Variants in TNIP3 observed in about 807,000 individuals in gnomAD.
TNIP3 encodes TNFAIP3-interacting protein 3.
A neutral mutation model predicts 54.1 loss-of-function variants in TNIP3; 34 were observed. That is an observed-to-expected ratio of 0.63 (90% CI 0.48 to 0.84). TNIP3 has a LOEUF of 0.84. Ranked by LOEUF, TNIP3 falls within the 40% of genes least tolerant of loss-of-function variation. TNIP3 has a pLI of 0.00. For missense variants in TNIP3, 366 were observed against 387.6 expected (o/e 0.94, Z 0.47); for synonymous variants, 134 against 136.8 (o/e 0.98, Z 0.14).
intron 1 of TNIP3, among the ~76,000 whole-genome samples, chr4:121,223,031 T>C (rs1727104982): frequency 6.6e-6 from 1 of 152,188 alleles, no homozygotes; most frequent in South Asian, 2.1e-4. Flanking sequence ...GGTCTCGATC[T>C]CCTGACCTCG....
chr4:121,144,437 T>C (rs1035223525), intron 7 of TNIP3, among the ~76,000 whole-genome samples: 1 of 152,234 alleles, frequency 6.6e-6, no homozygotes, highest in African/African-American at 2.4e-5. Context: ...AATCCCACTC[T>C]GTTGCCCAGA....
intron 1 of TNIP3, among the ~76,000 whole-genome samples, chr4:121,226,962 T>C (rs754657355): frequency 9.2e-5 from 14 of 152,142 alleles, no homozygotes; most frequent in Non-Finnish European, 1.6e-4. Flanking sequence ...ATCAAGATTG[T>C]TCAACCCTGT....
At chr4:121,154,359 T>C (rs79319714) in intron 5 of TNIP3, 192 bp downstream of exon 5, 14,908 of 632,502 alleles carry the variant, frequency 0.024, 258 homozygotes, top group Admixed American at 0.036. Flanking sequence ...ACAAAAATTC[T>C]CTAAAGCCTC....
At chr4:121,209,580 A>G (rs1726368357) in intron 2 of TNIP3, among the ~76,000 whole-genome samples, 1 of 152,204 alleles carries the variant, frequency 6.6e-6, no homozygotes, top group South Asian at 2.1e-4. Flanking sequence ...CCTAGAAGGA[A>G]CAGTGAGCCC....
intron 2 of TNIP3, among the ~76,000 whole-genome samples, chr4:121,188,928 A>C (rs1480505927): frequency 6.6e-6 from 1 of 152,208 alleles, no homozygotes; most frequent in South Asian, 2.1e-4. Context: ...TCAAGTTGAC[A>C]CTAATGATGC....
intron 2 of TNIP3, among the ~76,000 whole-genome samples, chr4:121,160,550 C>T (rs1730386906): frequency 6.6e-6 from 1 of 152,194 alleles, no homozygotes; most frequent in East Asian, 1.9e-4. Flanking sequence ...TCACTACTTC[C>T]TCTGTCAAGA....
intron 3 of TNIP3, among the ~76,000 whole-genome samples, chr4:121,178,011 C>A (rs1724461365): frequency 6.6e-6 from 1 of 152,122 alleles, no homozygotes; most frequent in Non-Finnish European, 1.5e-5. Context: ...GTGGCTTGAT[C>A]CAAGTGTGGT....
At chr4:121,175,173 GTTC>G (rs1339631303) in intron 3 of TNIP3, among the ~76,000 whole-genome samples, 3 of 152,148 alleles carry the variant, frequency 2.0e-5, no homozygotes, top group Admixed American at 6.5e-5. Flanking sequence ...GGCTTATGCT[GTTC>G]TTCTTCTTAC....
chr4:121,154,833 T>G (rs552916402), intron 4 of TNIP3, among the ~76,000 whole-genome samples, 154 bp from the exon 5 acceptor site: 48 of 152,304 alleles, frequency 3.2e-4, no homozygotes, highest in African/African-American at 1.2e-3. Flanking sequence ...TTAAACTTAA[T>G]GTTCCATTTG....
chr4:121,156,945 G>A (rs960580699), intron 4 of TNIP3, 149 bp downstream of exon 4: 2 of 912,932 alleles, frequency 2.2e-6, no homozygotes, highest in East Asian at 2.5e-5. Flanking sequence ...TGGCTCTTGG[G>A]GACTTGCGTA....
In TNIP3 at chr4:121,141,850, C is replaced by A; in HGVS notation, c.851G>T (p.Gly284Val). 1 of 1,598,760 alleles carries A rather than the reference C, an allele frequency of 6.3e-7. No homozygotes were observed. The highest frequency in any genetic ancestry group is 8.5e-7 in the Non-Finnish European group (1 of 1,172,514). ...CCGTTGCTTCTGCACAGCTCCAGGG[C>A]CTGTTGGTACCCATGGATCTTGCAG... ...FHLQDPWVPT[G>V]PGAVQKQREH... The change falls in exon 9 of 11, where the codon GGC becomes GTC. Residue 284 changes from glycine to valine, a missense_variant. Transcript: ENST00000057513.
intron 10 of TNIP3, among the ~76,000 whole-genome samples, 157 bp downstream of exon 10, chr4:121,138,467 A>G (rs1400634860): frequency 6.6e-6 from 1 of 152,218 alleles, no homozygotes; most frequent in African/African-American, 2.4e-5. Flanking sequence ...AAGGAGTTCA[A>G]TTTAACCCCA....
At chr4:121,146,705 T>C (rs1488534608) in intron 7 of TNIP3, among the ~76,000 whole-genome samples, 1 of 152,028 alleles carries the variant, frequency 6.6e-6, no homozygotes, top group Non-Finnish European at 1.5e-5. Context: ...TCAAAGAAAA[T>C]GACAAGAATT....
intron 2 of TNIP3, among the ~76,000 whole-genome samples, chr4:121,202,800 A>T (rs1241307474): frequency 6.6e-6 from 1 of 152,140 alleles, no homozygotes; most frequent in Non-Finnish European, 1.5e-5. Context: ...AAGAAGATAT[A>T]AAAATGACCA....
intron 2 of TNIP3, among the ~76,000 whole-genome samples, chr4:121,187,698 G>T (rs1028525624): frequency 6.6e-6 from 1 of 152,242 alleles, no homozygotes; most frequent in Non-Finnish European, 1.5e-5. Flanking sequence ...AGAGGCTTGG[G>T]AGATAAGATA....
At chr4:121,182,734 T>A in exon 3 of TNIP3, 1 of 1,534,166 alleles carries the variant, frequency 6.5e-7, no homozygotes, top group East Asian at 2.4e-5. Flanking sequence ...CCGTTTTGGA[T>A]GAGGAGACGC....
intron 2 of TNIP3, among the ~76,000 whole-genome samples, chr4:121,196,002 G>A (rs1210162070): frequency 2.6e-5 from 4 of 152,186 alleles, no homozygotes; most frequent in Non-Finnish European, 4.4e-5. Context: ...CACAGTGATG[G>A]CAGGATTCAT....
chr4:121,190,607 T>C (rs1309880114), intron 2 of TNIP3, among the ~76,000 whole-genome samples: 1 of 152,194 alleles, frequency 6.6e-6, no homozygotes, highest in South Asian at 2.1e-4. Context: ...GGGACACACC[T>C]GTCTGCTATA....
Position 121,147,150 on chromosome 4 carries a change from TG to T in TNIP3, c.633del (p.Phe211LeufsTer29). 6.2e-7 allele frequency: 1 copy of T among 1,612,248 alleles called. No individual in the cohort carries two copies. Among genetic ancestry groups the T allele is most frequent in the Non-Finnish European group, 8.5e-7 (1 of 1,179,318 alleles). The part of the protein sequence containing the change: ...KQQVQIYEED[F>X]KKERSDRERL... ...CTCTCTCGATCCGATCGTTCCTTTT[TG>T]AAGTCTTCTTCGTATATTTGCACCT... On this transcript the variant is annotated frameshift_variant, in exon 7 of 11. Coordinates refer to ENST00000057513, the MANE Select transcript of TNIP3 (RefSeq NM_024873.6). LOFTEE classifies it high-confidence loss of function.
Sources: allele counts gnomAD v4.1 joint callset (sites outside exome capture counted in the v4.1 genomes callset), GRCh38; gene constraint gnomAD v4.1.1; transcripts MANE v1.5; gene names NCBI Gene and HGNC (gene_info 2026-07-23, HGNC 2026-07-21).